ZNF558: variants seen among roughly 807,000 people sequenced by gnomAD.
ZNF558 encodes zinc finger protein 558.
In ZNF558, 23 loss-of-function variants were observed where a neutral mutation model predicts 37.6. The ratio of observed to expected loss-of-function variants is 0.61; its 90% CI spans 0.44 to 0.87. ZNF558 has a LOEUF of 0.87. ZNF558 is among the 40% of genes least tolerant of loss of function. The pLI is 0.00. For synonymous variants in ZNF558, 189 were observed against 174.4 expected, an observed-to-expected ratio of 1.08 and a Z score of -0.66; for missense variants, 429 against 483.7, an observed-to-expected ratio of 0.89 and a Z score of 1.06.
chr19:8,836,158 G>A (rs2044453028), upstream of ZNF558, among the ~76,000 whole-genome samples: 1 of 152,018 alleles, frequency 6.6e-6, no homozygotes, highest in Admixed American at 6.5e-5. Flanking sequence ...TGAATATTAT[G>A]GTAGCTCAAT....
rs2043778216 is a variant in ZNF558, at chr19:8,811,214, G to A, written c.*67C>T. 6.8e-7 allele frequency: 1 copy of A among 1,465,044 alleles called. No individual in the cohort carries two copies. Among genetic ancestry groups the A allele is most frequent in the Non-Finnish European group, 9.1e-7 (1 of 1,093,110 alleles). The allele number at this position is 1,465,044 out of a possible 1,614,324, so 90.8% of individuals were successfully genotyped here. On this transcript the variant is annotated 3_prime_UTR_variant, in exon 10 of 10. Coordinates refer to ENST00000601372, the MANE Select transcript of ZNF558 (RefSeq NM_144693.3). ...CAAATAACTTATATATCCAGTGTGA[G>A]CTCTCTCAAACTATCTTAGGGATGA... is the stretch of plus-strand genomic sequence containing the variant.
chr19:8,821,981 G>A, intron 6 of ZNF558, 22 bp downstream of exon 6: 1 of 1,613,464 alleles, frequency 6.2e-7, no homozygotes, highest in East Asian at 2.2e-5. Flanking sequence ...TAATGATTTG[G>A]GAAAAGGAAC....
chr19:8,832,224 C>T lies in ZNF558; in HGVS notation c.-608G>A, dbSNP rs913814559. On this transcript the variant is annotated 5_prime_UTR_variant, in exon 1 of 10. Coordinates refer to ENST00000601372, the MANE Select transcript of ZNF558 (RefSeq NM_144693.3). ...AGTCGCTCACCGAGCCCGGCCCCTC[C>T]CGCGGGGCCAAAAGCGCCGACTCGC... 8 of 152,190 alleles carry T rather than the reference C, an allele frequency of 5.3e-5. No individual in the cohort carries two copies. Among genetic ancestry groups the T allele is most frequent in the Non-Finnish European group, 1.0e-4 (7 of 68,014 alleles). 9.4% of individuals were successfully genotyped at this position (152,190 alleles called of 1,614,324 possible).
chr19:8,813,263 T>C lies in ZNF558; in HGVS notation c.248-41A>G, dbSNP rs114908485. On this transcript the variant is annotated intron_variant, in intron 7 of 9. Coordinates refer to ENST00000601372, the MANE Select transcript of ZNF558 (RefSeq NM_144693.3). ...ATACACATGATATAGGTAACAGTGC[T>C]GGGGACAACCAAGTCCATGAAAGAA... 1.6e-4 allele frequency: 232 copies of C among 1,495,880 alleles called. No homozygotes were observed. The African/African-American group carries it at 3.0e-3, about 19-fold the overall frequency. 92.7% of individuals were successfully genotyped at this position (1,495,880 alleles called of 1,614,324 possible). A position where few individuals can be genotyped will look rare whatever the true frequency, so the allele number is the denominator to read the frequency against.
In ZNF558 at chr19:8,810,482, G is replaced by A. The variant is rs1253880191; in HGVS notation, c.*799C>T. 6.6e-6 allele frequency: 1 copy of A among 152,168 alleles called. No individual in the cohort carries two copies. Among genetic ancestry groups the A allele is most frequent in the African/African-American group, 2.4e-5 (1 of 41,426 alleles). The allele number at this position is 152,168 out of a possible 1,614,324, so 9.4% of individuals were successfully genotyped here. A position where few individuals can be genotyped will look rare whatever the true frequency, so the allele number is the denominator to read the frequency against. ...CTTTCTACAGCTGTTCCATTCTTCA[G>A]GATTCTCTCAGTACATAATCTTCTG... is the stretch of plus-strand genomic sequence containing the variant. On this transcript the variant is annotated 3_prime_UTR_variant, in exon 10 of 10. Coordinates refer to ENST00000601372, the MANE Select transcript of ZNF558 (RefSeq NM_144693.3).
intron 7 of ZNF558, among the ~76,000 whole-genome samples, chr19:8,819,985 G>A (rs1179941692): frequency 6.6e-6 from 1 of 152,032 alleles, no homozygotes; most frequent in Admixed American, 6.6e-5. Context: ...ACAAAAATGG[G>A]CAAAGGACTT....
At chr19:8,820,236 T>C (rs1041721142) in intron 7 of ZNF558, among the ~76,000 whole-genome samples, 2 of 152,122 alleles carry the variant, frequency 1.3e-5, no homozygotes, top group African/African-American at 4.8e-5. Context: ...CTCAAGAAGC[T>C]AAACACAGAC....
intron 7 of ZNF558, among the ~76,000 whole-genome samples, chr19:8,818,658 T>G (rs1333604337): frequency 6.6e-6 from 1 of 152,098 alleles, no homozygotes. Context: ...AGTAGAAAGA[T>G]TTACACTTAC....
chr19:8,820,935 G>C (rs886802678), intron 7 of ZNF558, among the ~76,000 whole-genome samples: 1 of 152,076 alleles, frequency 6.6e-6, no homozygotes, highest in African/African-American at 2.4e-5. Flanking sequence ...GAAAGTAACG[G>C]GTATTGGCTG....
chr19:8,818,210 T>C (rs2043989669), intron 7 of ZNF558, among the ~76,000 whole-genome samples: 1 of 152,024 alleles, frequency 6.6e-6, no homozygotes, highest in African/African-American at 2.4e-5. Flanking sequence ...TCCCAGCACT[T>C]TGGGAGGTCG....
At chr19:8,829,884 T>C (rs1209391477) in intron 2 of ZNF558, among the ~76,000 whole-genome samples, 3 of 152,226 alleles carry the variant, frequency 2.0e-5, no homozygotes, top group Non-Finnish European at 4.4e-5. Context: ...ACTAGATTAC[T>C]TAACATGATT....
rs782336048 is a variant in ZNF558 at position 8,811,359 on chromosome 19, T to A, written c.1131A>T (p.Glu377Asp). ...LRTHTGEKPY[E>D]CNHCGKSFTS... ...TGAAGGATTTCCCACAATGATTACA[T>A]TCATAGGGTTTTTCTCCAGTGTGAG... is the stretch of plus-strand genomic sequence containing the variant. Residue 377 changes from glutamate to aspartate, a missense_variant, in exon 10 of 10, where the codon GAA (glutamate) becomes GAT (aspartate). Coordinates refer to ENST00000601372, the MANE Select transcript of ZNF558 (RefSeq NM_144693.3). 4 of 1,613,560 alleles carry A rather than the reference T, an allele frequency of 2.5e-6. No homozygotes were observed. The highest frequency in any genetic ancestry group is 3.4e-6 in the Non-Finnish European group (4 of 1,179,806).
chr19:8,812,757 G>A (rs1341309733), intron 8 of ZNF558, 114 bp from the exon 9 acceptor site: 2 of 610,592 alleles, frequency 3.3e-6, no homozygotes, highest in Non-Finnish European at 5.4e-6. Flanking sequence ...TTGCAACAAA[G>A]AGGATTTGGT....
chr19:8,811,618 G>C lies in ZNF558; in HGVS notation c.872C>G (p.Pro291Arg), dbSNP rs782729547. 4 of 1,614,088 alleles carry C rather than the reference G, an allele frequency of 2.5e-6. No homozygotes were observed. The Admixed American group carries it at 5.0e-5, about 20-fold the overall frequency. ...GHNSIHTGEK[P>R]YECHDCGKTF... ...TTTCCCACAATCGTGACATTCATAA[G>C]GTTTCTCCCCTGTATGAATGCTATT... Residue 291 changes from proline (P) to arginine (R), a missense_variant, in exon 10 of 10, where the codon CCT (proline) becomes CGT (arginine). Physicochemically the swap from Pro to Arg is moderately radical, Grantham distance 103. Coordinates refer to ENST00000601372, the MANE Select transcript of ZNF558 (RefSeq NM_144693.3).
At chr19:8,835,087 T>G (rs893036866), upstream of ZNF558, among the ~76,000 whole-genome samples, 5 of 151,886 alleles carry the variant, frequency 3.3e-5, no homozygotes, top group Non-Finnish European at 7.4e-5. Context: ...AGTCTCCTTC[T>G]GTCACCTAGG....
intron 7 of ZNF558, among the ~76,000 whole-genome samples, chr19:8,818,999 A>C (rs1280455959): frequency 6.6e-6 from 1 of 152,220 alleles, no homozygotes; most frequent in Non-Finnish European, 1.5e-5. Context: ...CTTTCTCCAC[A>C]CCATAAGCAA....
At chr19:8,835,902 G>A (rs1376182504), upstream of ZNF558, among the ~76,000 whole-genome samples, 2 of 152,226 alleles carry the variant, frequency 1.3e-5, no homozygotes, top group East Asian at 3.9e-4. Context: ...AGTAAAAGAA[G>A]CCACTCATAA....
chr19:8,830,499 C>T (rs541794027), intron 2 of ZNF558, among the ~76,000 whole-genome samples: 2 of 152,116 alleles, frequency 1.3e-5, no homozygotes, highest in Non-Finnish European at 2.9e-5. Context: ...CACATCTGGT[C>T]GCCGGTCAAT....
chr19:8,813,132 C>G lies in ZNF558; in HGVS notation c.338G>C (p.Cys113Ser). 6.3e-7 allele frequency: 1 copy of G among 1,585,248 alleles called. No individual in the cohort carries two copies. Among genetic ancestry groups the G allele is most frequent in the Non-Finnish European group, 8.6e-7 (1 of 1,164,176 alleles). The change falls in exon 8 of 10, where the codon TGT (cysteine) becomes TCT (serine). Residue 113 changes from cysteine to serine, a missense_variant. Physicochemically the swap from Cys to Ser is moderately radical, Grantham distance 112. Coordinates refer to ENST00000601372, the MANE Select transcript of ZNF558 (RefSeq NM_144693.3). ...TEERGILPSTCPDLETLLKAK... is the reference protein window; with the variant it reads ...TEERGILPSTSPDLETLLKAK... Reference sequence around the variant, plus strand: ...CATATCCACCTGGTGCTCACCTGGACAGGTGCTTGGTAGAATTCCTCTTTC... The same window carrying G: ...CATATCCACCTGGTGCTCACCTGGAGAGGTGCTTGGTAGAATTCCTCTTTC...
Sources: gnomAD v4.1 joint callset for allele counts (sites outside exome capture counted in the v4.1 genomes callset) on GRCh38, gnomAD v4.1.1 for gene constraint, MANE v1.5 for transcripts, NCBI Gene and HGNC (gene_info 2026-07-23, HGNC 2026-07-21) for gene names.